AKAP13: variants seen among roughly 807,000 people sequenced by gnomAD.
AKAP13 encodes A-kinase anchor protein 13.
AKAP13 carries 80 observed loss-of-function variants against 264.5 expected under a neutral mutation model. The ratio of observed to expected loss-of-function variants is 0.30; its 90% CI spans 0.25 to 0.36. AKAP13 has a LOEUF of 0.36. Ranked by LOEUF, AKAP13 falls within the 10% of genes least tolerant of loss-of-function variation. The pLI is 1.00. For synonymous variants in AKAP13, 1,380 were observed against 1,250.2 expected (o/e 1.10, Z -2.19); for missense variants, 3,712 against 3,435.2 (o/e 1.08, Z -2.01).
At chr15:85,468,856 A>G (rs906990595) in intron 1 of AKAP13, among the ~76,000 whole-genome samples, 10 of 151,776 alleles carry the variant, frequency 6.6e-5, no homozygotes, top group Admixed American at 4.6e-4. Flanking sequence ...CTCTCCTAAC[A>G]GATTGAGAGC....
At chr15:85,468,773 T>C (rs1307091977) in intron 1 of AKAP13, among the ~76,000 whole-genome samples, 1 of 152,016 alleles carries the variant, frequency 6.6e-6, no homozygotes, top group East Asian at 1.9e-4. Context: ...GCTGCCCCCA[T>C]TTCACCCTTC....
intron 1 of AKAP13, among the ~76,000 whole-genome samples, chr15:85,386,952 G>A (rs2070596206): frequency 6.6e-6 from 1 of 152,064 alleles, no homozygotes; most frequent in South Asian, 2.1e-4. Flanking sequence ...GGGTATTTTA[G>A]TTGCATTGCC....
intron 1 of AKAP13, among the ~76,000 whole-genome samples, chr15:85,459,360 T>C (rs1422221430): frequency 6.7e-6 from 1 of 148,848 alleles, no homozygotes; most frequent in Non-Finnish European, 1.5e-5. Flanking sequence ...TAATTTTTTT[T>C]TTTTTTTTTT....
intron 1 of AKAP13, among the ~76,000 whole-genome samples, chr15:85,387,293 G>C (rs544809949): frequency 6.6e-6 from 1 of 151,992 alleles, no homozygotes; most frequent in Non-Finnish European, 1.5e-5. Flanking sequence ...CCGACATTGC[G>C]CCACTTTACT....
chr15:85,649,612 C>T (rs1184277524), intron 10 of AKAP13, among the ~76,000 whole-genome samples: 4 of 152,188 alleles, frequency 2.6e-5, no homozygotes, highest in Non-Finnish European at 5.9e-5. Flanking sequence ...TCTTTAACAG[C>T]CCGTAACGTT....
chr15:85,567,701 G>C (rs1035269726), intron 5 of AKAP13, among the ~76,000 whole-genome samples: 1 of 151,980 alleles, frequency 6.6e-6, no homozygotes, highest in Non-Finnish European at 1.5e-5. Flanking sequence ...GAGATGTGTA[G>C]TTTTTATGTA....
chr15:85,461,615 TG>T (rs974767749), intron 1 of AKAP13, among the ~76,000 whole-genome samples: 4 of 140,554 alleles, frequency 2.8e-5, no homozygotes, highest in African/African-American at 7.4e-5. Context: ...TGTTTTTTTT[TG>T]TTGTTGTTGT....
At chr15:85,527,782 G>T (rs908473413) in intron 3 of AKAP13, among the ~76,000 whole-genome samples, 15 of 152,220 alleles carry the variant, frequency 9.9e-5, no homozygotes, top group African/African-American at 3.6e-4. Flanking sequence ...TCCTATTAGA[G>T]TCTGAATCTG....
At chr15:85,466,203 T>C (rs1468049537) in intron 1 of AKAP13, among the ~76,000 whole-genome samples, 5 of 150,732 alleles carry the variant, frequency 3.3e-5, no homozygotes, top group Admixed American at 6.6e-5. Flanking sequence ...TGGGGTTGTT[T>C]GTTTTTTTCT....
rs143724764 is a variant in AKAP13 at position 85,658,628 on chromosome 15, C to T, written c.4799+38C>T. ...TTAACTTGATGGACTAACCATGTCA[C>T]CTCTGAGCATATACTAACAAGCATC... is the stretch of plus-strand genomic sequence containing the variant. On this transcript the variant is annotated intron_variant, in intron 12 of 36. Transcript: ENST00000394518. 5.3e-3 allele frequency: 8,315 copies of T among 1,565,726 alleles called. 35 individuals carry two copies. Among genetic ancestry groups the T allele is most frequent in the Non-Finnish European group, 5.8e-3 (6,655 of 1,138,488 alleles).
At chr15:85,482,970 C>G (rs1187325010) in intron 1 of AKAP13, among the ~76,000 whole-genome samples, 1 of 152,206 alleles carries the variant, frequency 6.6e-6, no homozygotes, top group East Asian at 1.9e-4. Context: ...GGGACAGACA[C>G]TTTGTCATCC....
chr15:85,704,894 A>C (rs2086143634), intron 17 of AKAP13, among the ~76,000 whole-genome samples: 1 of 152,196 alleles, frequency 6.6e-6, no homozygotes, highest in South Asian at 2.1e-4. Context: ...GAAGTTTCTA[A>C]ATCACCCACG....
Position 85,741,026 on chromosome 15 carries a change from C to T in AKAP13, c.7609-20C>T, listed in dbSNP as rs201661130. ...TCGTCCTGGCCAGAGTTGCAGGGCTCCCCTCTGTGTGCCTCCCAGGGTGTG... is the reference window on the plus strand; with the variant it reads ...TCGTCCTGGCCAGAGTTGCAGGGCTTCCCTCTGTGTGCCTCCCAGGGTGTG... On this transcript the variant is annotated intron_variant, in intron 34 of 36. Coordinates refer to ENST00000394518, the MANE Select transcript of AKAP13 (RefSeq NM_007200.5). 23 of 1,587,282 alleles carry T rather than the reference C, an allele frequency of 1.4e-5. No individual in the cohort carries two copies. The highest frequency in any genetic ancestry group is 2.0e-5 in the Non-Finnish European group (23 of 1,165,336).
At chr15:85,475,595 A>G (rs1025712657) in intron 1 of AKAP13, among the ~76,000 whole-genome samples, 2 of 152,182 alleles carry the variant, frequency 1.3e-5, no homozygotes, top group Non-Finnish European at 2.9e-5. Flanking sequence ...GAGGTTGTCT[A>G]GTTATATGAT....
chr15:85,655,545 G>A lies in AKAP13; in HGVS notation c.4503G>A (p.Arg1501=), dbSNP rs1164843069. 1.2e-6 allele frequency: 2 copies of A among 1,614,112 alleles called. No homozygotes were observed. The highest frequency in any genetic ancestry group is 1.7e-6 in the Non-Finnish European group (2 of 1,180,046). ...VSLSQILKPN[R]SRDRQSLDGF... ...TCTCCCAGATTTTAAAGCCAAACAGGTCAAGAGATCGGCAAAGCCTTGATG... is the reference window on the plus strand; with the variant it reads ...TCTCCCAGATTTTAAAGCCAAACAGATCAAGAGATCGGCAAAGCCTTGATG... The change falls in exon 11 of 37, where the codon AGG becomes AGA. Residue 1501 remains arginine (R), a synonymous_variant. Coordinates refer to ENST00000394518, the MANE Select transcript of AKAP13 (RefSeq NM_007200.5).
chr15:85,437,071 A>G (rs1186127981), intron 1 of AKAP13, among the ~76,000 whole-genome samples: 26 of 146,990 alleles, frequency 1.8e-4, no homozygotes, highest in African/African-American at 6.1e-4. Context: ...ATAGACCACT[A>G]GCAAGACTAA....
chr15:85,389,059 T>A (rs891349131), intron 1 of AKAP13, among the ~76,000 whole-genome samples: 1 of 152,218 alleles, frequency 6.6e-6, no homozygotes, highest in Non-Finnish European at 1.5e-5. Context: ...AGAACACAAA[T>A]GTCTCCCAGC....
At chr15:85,658,974 C>G (rs1297431450) in intron 12 of AKAP13, among the ~76,000 whole-genome samples, 1 of 151,944 alleles carries the variant, frequency 6.6e-6, no homozygotes, top group Non-Finnish European at 1.5e-5. Flanking sequence ...AAAAGAAAAA[C>G]CAGGAATGTG....
chr15:85,707,982 CT>C, intron 17 of AKAP13, 36 bp from the exon 18 acceptor site: 2 of 1,609,144 alleles, frequency 1.2e-6, no homozygotes, highest in Non-Finnish European at 1.7e-6. Flanking sequence ...GATCTGTTTG[CT>C]TTGTCCATGT....
Sources: gnomAD v4.1 joint callset for allele counts (sites outside exome capture counted in the v4.1 genomes callset) on GRCh38, gnomAD v4.1.1 for gene constraint, MANE v1.5 for transcripts, NCBI Gene and HGNC (gene_info 2026-07-23, HGNC 2026-07-21) for gene names.